The following DLGAP2 variants were observed in gnomAD, a reference collection of about 807,000 sequenced individuals.
The protein encoded by DLGAP2 is DLG associated protein 2.
In DLGAP2, 26 loss-of-function variants were observed where a neutral mutation model predicts 100.3. The ratio of observed to expected loss-of-function variants is 0.26; its 90% CI spans 0.19 to 0.36. The LOEUF (loss-of-function observed/expected upper bound fraction) is 0.36, where lower values mean the gene tolerates loss of function less well. DLGAP2 is among the 10% of genes least tolerant of loss of function. The pLI is 1.00. For synonymous variants in DLGAP2, 886 were observed against 630.1 expected (o/e 1.41, Z -6.08); for missense variants, 1,858 against 1,453.2 (o/e 1.28, Z -4.53).
chr8:1,298,152 A>G (rs865930638), intron 3 of DLGAP2, among the ~76,000 whole-genome samples: 1 of 151,962 alleles, frequency 6.6e-6, no homozygotes, highest in Non-Finnish European at 1.5e-5. Flanking sequence ...CAGGGAGGAG[A>G]AACGTGGCAT....
intron 1 of DLGAP2, among the ~76,000 whole-genome samples, chr8:808,941 C>T (rs982939730): frequency 6.4e-5 from 9 of 140,076 alleles, no homozygotes; most frequent in Admixed American, 5.3e-4. Context: ...GAGTTTCGCT[C>T]TGTCCCCCAG....
At chr8:1,046,303 T>C (rs558843596) in intron 2 of DLGAP2, among the ~76,000 whole-genome samples, 2 of 152,338 alleles carry the variant, frequency 1.3e-5, no homozygotes, top group Non-Finnish European at 2.9e-5. Flanking sequence ...ATCAAGAATG[T>C]CAAAGTGTGC....
intron 2 of DLGAP2, among the ~76,000 whole-genome samples, chr8:1,170,423 T>A (rs1026762821): frequency 2.0e-5 from 3 of 152,180 alleles, no homozygotes; most frequent in Non-Finnish European, 4.4e-5. Context: ...GGATTCCCTC[T>A]TTTTCTGTTG....
intron 2 of DLGAP2, among the ~76,000 whole-genome samples, chr8:1,054,398 C>A (rs1330234775): frequency 6.6e-6 from 1 of 152,270 alleles, no homozygotes. Flanking sequence ...GGACTTTACT[C>A]TTGGCTCCAA....
At chr8:1,498,306 A>G (rs1195539182) in intron 3 of DLGAP2, among the ~76,000 whole-genome samples, 1 of 152,200 alleles carries the variant, frequency 6.6e-6, no homozygotes, top group African/African-American at 2.4e-5. Flanking sequence ...ATCTGGGAAA[A>G]GGAAGGAAAA....
At chr8:1,069,321 T>G (rs1252480692) in intron 2 of DLGAP2, among the ~76,000 whole-genome samples, 2 of 151,874 alleles carry the variant, frequency 1.3e-5, no homozygotes, top group Non-Finnish European at 2.9e-5. Context: ...GGAGGCCGGG[T>G]CGGACAGACC....
Position 841,729 on chromosome 8 carries a change from GC to G in DLGAP2, c.19-66177del, listed in dbSNP as rs557177929. ...CTGAGTAGCTGGGACCGCAGGTGCC[GC>G]CCCCCACACCCGGCAGCAGGTGAGT... is the stretch of plus-strand genomic sequence containing the variant. On this transcript the variant is annotated intron_variant, in intron 1 of 14. Transcript: ENST00000637795. 4.5e-3 allele frequency among the ~76,000 whole-genome samples: 688 copies of G among 152,118 alleles called. 1 individual carries two copies. Among genetic ancestry groups the G allele is most frequent in the Non-Finnish European group, 7.4e-3 (501 of 68,004 alleles).
chr8:1,017,535 A>G (rs1460819816), intron 2 of DLGAP2, among the ~76,000 whole-genome samples: 2 of 111,904 alleles, frequency 1.8e-5, no homozygotes, highest in Non-Finnish European at 3.5e-5. Context: ...ACTGTGTGTG[A>G]CCAGGACAGA....
intron 1 of DLGAP2, among the ~76,000 whole-genome samples, chr8:881,496 C>CT (rs533557661): frequency 0.021 from 1,800 of 85,590 alleles, 38 homozygotes; most frequent in African/African-American, 0.049. Flanking sequence ...TTTCATCTCT[C>CT]TTTTTTTTTT....
chr8:1,150,912 G>C (rs886533011), intron 2 of DLGAP2, among the ~76,000 whole-genome samples: 15 of 152,110 alleles, frequency 9.9e-5, no homozygotes, highest in Admixed American at 2.6e-4. Context: ...AAAATATATG[G>C]AGTATTACTT....
rs188227580 is a variant in DLGAP2, at chr8:1,022,160, G to T, written c.73+114194G>T. On this transcript the variant is annotated intron_variant, in intron 2 of 14. Transcript: ENST00000637795. ...AGCCACACACCCATCCTCCCTGGGG[G>T]TGGACAGTCCTGTGCTGAGGTAGAC... is the stretch of plus-strand genomic sequence containing the variant. Among the ~76,000 whole-genome samples, 125 of 152,166 alleles carry T rather than the reference G, an allele frequency of 8.2e-4. 1 individual carries two copies. Among genetic ancestry groups the T allele is most frequent in the African/African-American group, 2.8e-3 (116 of 41,514 alleles).
chr8:958,227 A>T (rs900045477), intron 2 of DLGAP2, among the ~76,000 whole-genome samples: 5 of 152,086 alleles, frequency 3.3e-5, no homozygotes, highest in African/African-American at 1.2e-4. Context: ...ATTCCTTTAT[A>T]TGTCTGAACA....
chr8:911,178 A>G (rs965276651), intron 2 of DLGAP2, among the ~76,000 whole-genome samples: 4 of 152,184 alleles, frequency 2.6e-5, no homozygotes, highest in Admixed American at 1.3e-4. Context: ...TTTTGACCCA[A>G]CTGGAGGGGT....
intron 1 of DLGAP2, among the ~76,000 whole-genome samples, chr8:750,394 C>A (rs567802507): frequency 1.3e-5 from 2 of 152,146 alleles, no homozygotes; most frequent in Admixed American, 1.3e-4. Context: ...GAAAACATTT[C>A]GAATCTTTTC....
chr8:1,318,446 A>G (rs1437544947), intron 3 of DLGAP2, among the ~76,000 whole-genome samples: 1 of 150,170 alleles, frequency 6.7e-6, no homozygotes, highest in East Asian at 2.0e-4. Flanking sequence ...GTTTCTTCGT[A>G]TCTAGTATAT....
chr8:1,126,776 G>A, intron 2 of DLGAP2, among the ~76,000 whole-genome samples: 1 of 152,122 alleles, frequency 6.6e-6, no homozygotes, highest in East Asian at 1.9e-4. Flanking sequence ...CTCTTGAGGG[G>A]TCCAGGAGAC....
intron 2 of DLGAP2, among the ~76,000 whole-genome samples, chr8:981,524 C>T (rs1250850826): frequency 6.6e-6 from 1 of 152,062 alleles, no homozygotes; most frequent in African/African-American, 2.4e-5. Flanking sequence ...AGCAGCTGCG[C>T]CGTTTTACAT....
intron 11 of DLGAP2, among the ~76,000 whole-genome samples, chr8:1,676,965 G>A (rs371898812): frequency 1.3e-5 from 2 of 152,166 alleles, no homozygotes; most frequent in Admixed American, 6.5e-5. Context: ...CACGTAAAAC[G>A]ATAGAAAGAC....
chr8:1,123,558 C>G (rs988059025), intron 2 of DLGAP2, among the ~76,000 whole-genome samples: 5 of 152,130 alleles, frequency 3.3e-5, no homozygotes, highest in African/African-American at 7.2e-5. Flanking sequence ...GATGTTTGGT[C>G]TAAAACCTGG....
Sources: gnomAD v4.1 joint callset for allele counts (sites outside exome capture counted in the v4.1 genomes callset) on GRCh38, gnomAD v4.1.1 for gene constraint, MANE v1.5 for transcripts, NCBI Gene and HGNC (gene_info 2026-07-23, HGNC 2026-07-21) for gene names.